Variants in ATP5MC2 observed in about 807,000 individuals in gnomAD.
The protein encoded by ATP5MC2 is ATP synthase membrane subunit c locus 2.
ATP5MC2 carries 11 observed loss-of-function variants against 13.5 expected under a neutral mutation model. The ratio of observed to expected loss-of-function variants is 0.81; its 90% CI spans 0.51 to 1.35. The LOEUF (loss-of-function observed/expected upper bound fraction) is 1.35, where lower values mean the gene tolerates loss of function less well. ATP5MC2 is among the 40% of genes most tolerant of loss of function. The probability of loss-of-function intolerance (pLI) is 0.00; values close to 1 mark genes in which losing one functional copy is unlikely to be tolerated. For missense variants in ATP5MC2, 132 were observed against 175.0 expected (o/e 0.75, Z 1.39); for synonymous variants, 64 against 69.7 (o/e 0.92, Z 0.41).
chr12:53,672,132 C>T (rs1945117206), intron 2 of ATP5MC2, among the ~76,000 whole-genome samples: 2 of 142,052 alleles, frequency 1.4e-5, no homozygotes. Context: ...GGATATGGGG[C>T]AGGAGAGTAT....
upstream of ATP5MC2, among the ~76,000 whole-genome samples, chr12:53,679,746 C>A (rs1277623153): frequency 6.6e-6 from 1 of 152,174 alleles, no homozygotes; most frequent in African/African-American, 2.4e-5. Context: ...CTGGTGGGAA[C>A]TGACTGATAT....
At chr12:53,667,096 G>A (rs922437522) in intron 4 of ATP5MC2, among the ~76,000 whole-genome samples, 2 of 152,098 alleles carry the variant, frequency 1.3e-5, no homozygotes, top group Non-Finnish European at 2.9e-5. Flanking sequence ...AAGGTAAATC[G>A]ACACCAACAT....
rs1211687127 is a variant in ATP5MC2, at chr12:53,676,075, A to G, written c.-54T>C. ...TACCTGCTCCCACTGCAGAGAAGAC[A>G]GAGAGGGGCGGAGCAGCGGGAAGAG... On this transcript the variant is annotated 5_prime_UTR_variant, in exon 1 of 5. Transcript: ENST00000394349. 9 of 1,614,068 alleles carry G rather than the reference A, an allele frequency of 5.6e-6. No homozygotes were observed. The highest frequency in any genetic ancestry group is 6.8e-6 in the Non-Finnish European group (8 of 1,180,036).
intron 2 of ATP5MC2, among the ~76,000 whole-genome samples, chr12:53,671,025 T>C (rs976854336): frequency 1.3e-5 from 2 of 151,848 alleles, no homozygotes; most frequent in Non-Finnish European, 2.9e-5. Context: ...TGGGTAATGG[T>C]CAGCCCACAA....
chr12:53,675,913 C>G (rs1211155737), intron 1 of ATP5MC2, 140 bp downstream of exon 1: 1 of 1,321,064 alleles, frequency 7.6e-7, no homozygotes, highest in Non-Finnish European at 1.0e-6. Flanking sequence ...AACTCTAAGG[C>G]TAAGGGATAG....
chr12:53,672,937 G>A (rs1945144107), intron 1 of ATP5MC2: 1 of 297,488 alleles, frequency 3.4e-6, no homozygotes, highest in East Asian at 7.2e-5. Flanking sequence ...AGTTGCCACA[G>A]GAATTTTCCC....
chr12:53,679,755 A>G (rs1053870911), upstream of ATP5MC2, among the ~76,000 whole-genome samples: 2 of 152,174 alleles, frequency 1.3e-5, no homozygotes, highest in Admixed American at 6.6e-5. Context: ...ACTGACTGAT[A>G]TATTTTCTAC....
chr12:53,676,690 T>TC (rs1945286422), upstream of ATP5MC2: 1 of 166,376 alleles, frequency 6.0e-6, no homozygotes, highest in Admixed American at 5.7e-5. Flanking sequence ...TTAAATATGA[T>TC]CCGAATCCCT....
intron 4 of ATP5MC2, among the ~76,000 whole-genome samples, chr12:53,667,950 C>CATACATACAT (rs1281755104): frequency 3.2e-4 from 12 of 37,274 alleles, no homozygotes; most frequent in African/African-American, 9.8e-4. Context: ...TACATACATA[C>CATACATACAT]ACACACATAT....
intron 4 of ATP5MC2, 128 bp downstream of exon 4, chr12:53,669,020 C>CAAACAAAA: frequency 1.4e-5 from 16 of 1,164,820 alleles, no homozygotes; most frequent in Non-Finnish European, 1.8e-5. Flanking sequence ...TGTCTCAAAA[C>CAAACAAAA]AAACAAACAA....
chr12:53,667,970 T>C (rs1482123383), intron 4 of ATP5MC2, among the ~76,000 whole-genome samples: 16 of 49,610 alleles, frequency 3.2e-4, no homozygotes, highest in African/African-American at 1.7e-3. Context: ...TATATATATA[T>C]ATATATATAT....
intron 4 of ATP5MC2, among the ~76,000 whole-genome samples, chr12:53,667,364 ATGT>A (rs1386500311): frequency 1.3e-5 from 2 of 152,140 alleles, no homozygotes; most frequent in Admixed American, 1.3e-4. Context: ...TAAAGCCACT[ATGT>A]TCACTGAGTC....
chr12:53,676,278 C>G (rs1593061066), upstream of ATP5MC2: 2 of 1,558,898 alleles, frequency 1.3e-6, no homozygotes. Context: ...GGAGCGCCGA[C>G]TGCAGAAATG....
chr12:53,676,422 A>C, upstream of ATP5MC2: 1 of 569,832 alleles, frequency 1.8e-6, no homozygotes. Flanking sequence ...ACTCCTACTC[A>C]GAATTCAGTG....
At chr12:53,671,023 G>C in intron 2 of ATP5MC2, among the ~76,000 whole-genome samples, 1 of 151,504 alleles carries the variant, frequency 6.6e-6, no homozygotes, top group East Asian at 1.9e-4. Context: ...TATGGGTAAT[G>C]GTCAGCCCAC....
chr12:53,678,810 G>A (rs1320266903), upstream of ATP5MC2, among the ~76,000 whole-genome samples: 1 of 152,200 alleles, frequency 6.6e-6, no homozygotes, highest in African/African-American at 2.4e-5. Context: ...AGGAAAGGGT[G>A]TGGAGACAGA....
intron 4 of ATP5MC2, among the ~76,000 whole-genome samples, chr12:53,667,826 C>T (rs1036839724): frequency 6.6e-6 from 1 of 151,870 alleles, no homozygotes; most frequent in Non-Finnish European, 1.5e-5. Context: ...TCATACAAAA[C>T]CTGGCTATGG....
At chr12:53,676,115 A>T, upstream of ATP5MC2, 4 of 1,614,260 alleles carry the variant, frequency 2.5e-6, no homozygotes, top group Non-Finnish European at 3.4e-6. Context: ...AGGAAGGCTC[A>T]GCGCATGCGT....
intron 1 of ATP5MC2, among the ~76,000 whole-genome samples, chr12:53,674,420 T>TA: frequency 6.6e-6 from 1 of 152,232 alleles, no homozygotes; most frequent in Admixed American, 6.5e-5. Flanking sequence ...GATTATTAGG[T>TA]ATACTTAACG....
Sources: allele counts gnomAD v4.1 joint callset (sites outside exome capture counted in the v4.1 genomes callset), GRCh38; gene constraint gnomAD v4.1.1; transcripts MANE v1.5; gene names NCBI Gene and HGNC (gene_info 2026-07-23, HGNC 2026-07-21).